The following LRP1 variants were observed in gnomAD, a reference collection of about 807,000 sequenced individuals.
LRP1 encodes LDL receptor related protein 1.
In LRP1, 51 loss-of-function variants were observed where a neutral mutation model predicts 541.5. The observed-to-expected ratio is 0.09, with a 90% CI of 0.08 to 0.12. The LOEUF is 0.12. Ranked by LOEUF, LRP1 falls within the 10% of genes least tolerant of loss-of-function variation. LRP1 has a pLI of 1.00. For synonymous variants in LRP1, 2,219 were observed against 2,470.8 expected, an observed-to-expected ratio of 0.90 and a Z score of 3.02; for missense variants, 3,878 against 6,376.2, an observed-to-expected ratio of 0.61 and a Z score of 13.34.
chr12:57,174,027 A>T (rs1167939200), intron 22 of LRP1, 47 bp downstream of exon 22: 11 of 1,584,296 alleles, frequency 6.9e-6, no homozygotes, highest in Non-Finnish European at 9.5e-6. Flanking sequence ...GCTGGGTAGG[A>T]GTCTGGGCCA....
Position 57,189,571 on chromosome 12 carries a change from G to A in LRP1, c.7032-1234G>A, listed in dbSNP as rs981209618. On this transcript the variant is annotated intron_variant, in intron 42 of 88. Coordinates refer to ENST00000243077, the MANE Select transcript of LRP1 (RefSeq NM_002332.3). This position sits in a 1 kb window ranked among gnomAD's most constrained non-coding sequence, Gnocchi z 4.4. ...TTCCTACGTGAGCCCAGCAGAAGGC[G>A]GGATAGTTCAATGGTGCTGGAGACG... is the stretch of plus-strand genomic sequence containing the variant. Among the ~76,000 whole-genome samples the A allele has an allele frequency of 6.6e-6, 1 of 152,094 alleles. No individual in the cohort carries two copies. Among genetic ancestry groups the A allele is most frequent in the Non-Finnish European group, 1.5e-5 (1 of 68,016 alleles).
intron 1 of LRP1, 93 bp downstream of exon 1, chr12:57,129,124 G>A: frequency 7.5e-7 from 1 of 1,337,162 alleles, no homozygotes. Flanking sequence ...AGACGCGGGA[G>A]GGGGTGCCTT....
chr12:57,194,928 C>A lies in LRP1; in HGVS notation c.8192-57C>A, dbSNP rs2036497043. 8 of 1,425,800 alleles carry A rather than the reference C, an allele frequency of 5.6e-6. No individual in the cohort carries two copies. The East Asian group carries it at 1.6e-4, about 29-fold the overall frequency. 88.3% of individuals were successfully genotyped at this position (1,425,800 alleles called of 1,614,324 possible). On this transcript the variant is annotated intron_variant, in intron 50 of 88. Coordinates refer to ENST00000243077, the MANE Select transcript of LRP1 (RefSeq NM_002332.3). Reference sequence around the variant, plus strand: ...CCTGTCCTTCCCATGGCATCAGCCTCCCCAGGTGGGTGACCCCCACCCTTC... The same window carrying A: ...CCTGTCCTTCCCATGGCATCAGCCTACCCAGGTGGGTGACCCCCACCCTTC...
intron 19 of LRP1, among the ~76,000 whole-genome samples, chr12:57,167,944 G>T (rs981344149): frequency 2.0e-5 from 3 of 152,230 alleles, no homozygotes; most frequent in Admixed American, 1.3e-4. Flanking sequence ...AGATAGCCAT[G>T]GACCAGGTGA....
rs979339310 is a variant in LRP1, at chr12:57,185,781, C to T, written c.6714C>T (p.Ala2238=). The change falls in exon 41 of 89, where the codon GCC becomes GCT. Residue 2238 remains alanine, a synonymous_variant. Coordinates refer to ENST00000243077, the MANE Select transcript of LRP1 (RefSeq NM_002332.3). The surrounding 1 kb of genome is among the most constrained non-coding windows in gnomAD (Gnocchi z 4.9). ...CTGAGCACATGAAGAACGTCATCGC[C>T]CTGGCCTTTGACTACCGGGCAGGCA... ...EDPEHMKNVI[A]LAFDYRAGTS... is the part of the protein sequence containing the mutation. 1.2e-6 allele frequency: 2 copies of T among 1,614,112 alleles called. No homozygotes were observed. Among genetic ancestry groups the T allele is most frequent in the African/African-American group, 1.3e-5 (1 of 74,936 alleles).
intron 42 of LRP1, 132 bp from the exon 43 acceptor site, chr12:57,190,673 T>G (rs1477059833): frequency 4.2e-6 from 3 of 713,070 alleles, no homozygotes; most frequent in Non-Finnish European, 7.3e-6. Context: ...GGGGCACTGC[T>G]GGCCTCTATG....
chr12:57,166,474 T>C, intron 17 of LRP1: 1 of 451,158 alleles, frequency 2.2e-6, no homozygotes, highest in Non-Finnish European at 4.0e-6. Context: ...GGTGGGAGGA[T>C]CACTTGAGCC....
Position 57,183,530 on chromosome 12 carries a change from A to G in LRP1, c.5794+20A>G. The G allele has an allele frequency of 1.2e-6, 2 of 1,609,956 alleles. No individual in the cohort carries two copies. The highest frequency in any genetic ancestry group is 1.7e-6 in the Non-Finnish European group (2 of 1,177,238). On this transcript the variant is annotated intron_variant, in intron 35 of 88. Coordinates refer to ENST00000243077, the MANE Select transcript of LRP1 (RefSeq NM_002332.3). This position sits in a 1 kb window ranked among gnomAD's most constrained non-coding sequence, Gnocchi z 6.1. ...ACGCTGGTGAGCCATTTGGTGGCAG[A>G]GGGAGTTGGGCGTGGCGTAGGAGCT...
intron 6 of LRP1, among the ~76,000 whole-genome samples, chr12:57,150,842 C>A (rs2035512478): frequency 6.6e-6 from 1 of 152,010 alleles, no homozygotes; most frequent in Admixed American, 6.6e-5. Context: ...GGTGACAGAA[C>A]CAGAATTCAA....
chr12:57,178,767 A>C lies in LRP1; in HGVS notation c.4607-123A>C, dbSNP rs1412485616. The C allele has an allele frequency of 6.7e-7, 1 of 1,496,710 alleles. No homozygotes were observed. Among genetic ancestry groups the C allele is most frequent in the Non-Finnish European group, 9.0e-7 (1 of 1,108,416 alleles). The allele number at this position is 1,496,710 out of a possible 1,614,324, so 92.7% of individuals were successfully genotyped here. ...CAGAGGCACTGTCTAGCAGCAGAGAAGGGTCTAGTAGTAGCGGCTGCTGGA... is the reference window on the plus strand; with the variant it reads ...CAGAGGCACTGTCTAGCAGCAGAGACGGGTCTAGTAGTAGCGGCTGCTGGA... On this transcript the variant is annotated intron_variant, in intron 27 of 88. Coordinates refer to ENST00000243077, the MANE Select transcript of LRP1 (RefSeq NM_002332.3). This position sits in a 1 kb window ranked among gnomAD's most constrained non-coding sequence, Gnocchi z 5.8.
In LRP1 at chr12:57,195,907, C is replaced by T; in HGVS notation, c.8605C>T (p.Arg2869Cys). 3 of 1,613,684 alleles carry T rather than the reference C, an allele frequency of 1.9e-6. No homozygotes were observed. The highest frequency in any genetic ancestry group is 2.5e-6 in the Non-Finnish European group (3 of 1,180,018). The change falls in exon 54 of 89, where the codon CGC becomes TGC. Residue 2869 changes from arginine to cysteine, a missense_variant. Physicochemically the swap from Arg to Cys is radical, Grantham distance 180. This residue lies in a region of LRP1 where 1,100 missense variants were observed against 1,827.4 expected (regional missense o/e 0.60). Coordinates refer to ENST00000243077, the MANE Select transcript of LRP1 (RefSeq NM_002332.3). ...GPSEFRCANGRCLSSRQWECD... is the reference protein window; with the variant it reads ...GPSEFRCANGCCLSSRQWECD... ...CAGTGAGTTCCGCTGTGCCAATGGG[C>T]GCTGTCTGAGCTCCCGCCAGTGGGA...
At chr12:57,199,019 G>T (rs2036592925) in intron 60 of LRP1, among the ~76,000 whole-genome samples, 193 bp from the exon 61 acceptor site, 2 of 152,226 alleles carry the variant, frequency 1.3e-5, no homozygotes, top group African/African-American at 2.4e-5. Context: ...TTGCCATGAG[G>T]CAGTCTAGGT....
In LRP1 at chr12:57,209,628, G is replaced by A. The variant is rs1053003417; in HGVS notation, c.12263-64G>A. ...TCTGGGAACCACAGGTGCCAGTGTC[G>A]TGGACAGCATGGCCAGGGCCTGAGT... On this transcript the variant is annotated intron_variant, in intron 79 of 88. Transcript: ENST00000243077. 1.4e-5 allele frequency: 20 copies of A among 1,429,188 alleles called. 1 individual carries two copies. Among genetic ancestry groups the A allele is most frequent in the East Asian group, 9.1e-5 (4 of 43,898 alleles). The allele number at this position is 1,429,188 out of a possible 1,614,324, so 88.5% of individuals were successfully genotyped here.
intron 48 of LRP1, 113 bp from the exon 49 acceptor site, chr12:57,194,241 A>T: frequency 8.1e-7 from 1 of 1,238,176 alleles, no homozygotes; most frequent in Non-Finnish European, 1.1e-6. Flanking sequence ...CCCCACCAGA[A>T]GGGCACCGTT....
intron 62 of LRP1, 196 bp from the exon 63 acceptor site, chr12:57,200,246 A>G (rs750986290): frequency 2.7e-5 from 17 of 638,876 alleles, no homozygotes; most frequent in Non-Finnish European, 2.5e-5. Flanking sequence ...CCTCCTTGCC[A>G]TGCTTCAGTG....
At chr12:57,161,143 A>T in intron 13 of LRP1, 28 bp downstream of exon 13, 2 of 1,602,454 alleles carry the variant, frequency 1.2e-6, no homozygotes, top group Middle Eastern at 3.3e-4. Flanking sequence ...TGTGTGGGGG[A>T]ATCTGTGTGT....
At chr12:57,167,125 A>T in intron 18 of LRP1, 79 bp downstream of exon 18, 1 of 1,193,400 alleles carries the variant, frequency 8.4e-7, no homozygotes, top group Non-Finnish European at 1.2e-6. Flanking sequence ...GGGGTGCCGG[A>T]GACACCTGCA....
Position 57,192,830 on chromosome 12 carries a change from C to T in LRP1, c.7430-15C>T. Reference sequence around the variant, plus strand: ...GAACACTCTCCAGCCCTGCGCCCACCCTGTCCCTGCTCAGGTGAACTCTCT... The same window carrying T: ...GAACACTCTCCAGCCCTGCGCCCACTCTGTCCCTGCTCAGGTGAACTCTCT... On this transcript the variant is annotated splice_polypyrimidine_tract_variant and intron_variant, in intron 44 of 88. Transcript: ENST00000243077. 2 of 1,614,010 alleles carry T rather than the reference C, an allele frequency of 1.2e-6. No homozygotes were observed. The highest frequency in any genetic ancestry group is 1.1e-5 in the South Asian group (1 of 91,084).
rs373559379 is a variant in LRP1, at chr12:57,212,491, C to T, written c.13571C>T (p.Thr4524Met). Residue 4524 changes from threonine (T) to methionine (M), a missense_variant, in exon 89 of 89, where the codon ACG (threonine) becomes ATG (methionine). Physicochemically the swap from Thr to Met is moderately conservative, Grantham distance 81. Transcript: ENST00000243077. The surrounding 1 kb of genome is among the most constrained non-coding windows in gnomAD (Gnocchi z 5.0). ...GGCAGTCGCCACTCCCTGGCCAGCA[C>T]GGACGAGAAGCGAGAACTCCTGGGC... ...GHGSRHSLAS[T>M]DEKRELLGRG... The T allele has an allele frequency of 3.7e-6, 6 of 1,613,914 alleles. No homozygotes were observed. Among genetic ancestry groups the T allele is most frequent in the Non-Finnish European group, 5.1e-6 (6 of 1,179,968 alleles).
Sources: gnomAD v4.1 joint callset for allele counts (sites outside exome capture counted in the v4.1 genomes callset) on GRCh38, gnomAD v4.1.1 for gene constraint, gnomAD v4.1.1 regional missense constraint, Gnocchi (gnomAD v3.1) non-coding constraint, MANE v1.5 for transcripts, NCBI Gene and HGNC (gene_info 2026-07-23, HGNC 2026-07-21) for gene names.